Variants in ATP9B observed in about 807,000 individuals in gnomAD.
ATP9B encodes probable phospholipid-transporting ATPase IIB.
In ATP9B, 110 loss-of-function variants were observed where a neutral mutation model predicts 146.1. The observed-to-expected ratio is 0.75, with a 90% CI of 0.65 to 0.88. The LOEUF (loss-of-function observed/expected upper bound fraction) is 0.88. ATP9B is among the 40% of genes least tolerant of loss of function. The pLI, the probability that ATP9B is intolerant of heterozygous loss-of-function variation, is 0.00. For missense variants in ATP9B, 1,499 were observed against 1,496.4 expected, an observed-to-expected ratio of 1.00 and a Z score of -0.03; for synonymous variants, 604 against 569.7, an observed-to-expected ratio of 1.06 and a Z score of -0.86.
At chr18:79,365,206 A>G (rs1220928073) in intron 26 of ATP9B, among the ~76,000 whole-genome samples, 2 of 152,222 alleles carry the variant, frequency 1.3e-5, no homozygotes, top group African/African-American at 4.8e-5. Flanking sequence ...GAAGATATTA[A>G]CAGACACCAC....
intron 5 of ATP9B, among the ~76,000 whole-genome samples, chr18:79,138,821 C>G (rs1456555268): frequency 7.4e-6 from 1 of 135,822 alleles, no homozygotes; most frequent in Admixed American, 7.4e-5. Context: ...TGGCTCCTGC[C>G]GTATTCATAG....
At chr18:79,261,732 A>G (rs2096143770) in intron 12 of ATP9B, among the ~76,000 whole-genome samples, 1 of 152,194 alleles carries the variant, frequency 6.6e-6, no homozygotes, top group South Asian at 2.1e-4. Context: ...AGCGTCAGGA[A>G]GGGTGAGATG....
intron 7 of ATP9B, among the ~76,000 whole-genome samples, chr18:79,156,166 C>T (rs1160601882): frequency 1.3e-5 from 2 of 152,200 alleles, no homozygotes; most frequent in East Asian, 3.8e-4. Context: ...CAAGTGACTT[C>T]TGTATACTTG....
chr18:79,354,706 T>A (rs970453436), intron 25 of ATP9B: 8 of 150,590 alleles, frequency 5.3e-5, no homozygotes, highest in Admixed American at 4.0e-4. Flanking sequence ...AGGCTCTGAG[T>A]GGAGAGCGAG....
At chr18:79,095,973 T>G (rs573327346) in intron 1 of ATP9B, among the ~76,000 whole-genome samples, 42 of 152,264 alleles carry the variant, frequency 2.8e-4, no homozygotes, top group African/African-American at 9.6e-4. Context: ...CCCAAAGATA[T>G]AAACTGTCAG....
intron 7 of ATP9B, among the ~76,000 whole-genome samples, chr18:79,165,213 G>C (rs1359566250): frequency 6.6e-6 from 1 of 152,216 alleles, no homozygotes; most frequent in Admixed American, 6.5e-5. Flanking sequence ...TGAGTAGTCA[G>C]TTACAGGGCT....
At chr18:79,217,666 C>A (rs1427114531) in intron 11 of ATP9B, among the ~76,000 whole-genome samples, 1 of 152,160 alleles carries the variant, frequency 6.6e-6, no homozygotes, top group South Asian at 2.1e-4. Flanking sequence ...GGTATTGATA[C>A]ATGTTGAATG....
intron 10 of ATP9B, among the ~76,000 whole-genome samples, chr18:79,211,919 T>TTA (rs2095587645): frequency 6.6e-6 from 1 of 152,228 alleles, no homozygotes; most frequent in South Asian, 2.1e-4. Flanking sequence ...TCTGTTTAAG[T>TTA]ATTTCATTGA....
chr18:79,252,385 T>G (rs2096034473), intron 11 of ATP9B, among the ~76,000 whole-genome samples: 1 of 152,192 alleles, frequency 6.6e-6, no homozygotes, highest in South Asian at 2.1e-4. Context: ...CTAGTTGCTG[T>G]GCTGTGTCAC....
chr18:79,314,245 T>G (rs565034401), intron 15 of ATP9B, among the ~76,000 whole-genome samples: 1 of 152,328 alleles, frequency 6.6e-6, no homozygotes, highest in Admixed American at 6.5e-5. Context: ...CTTAAAACCC[T>G]GTTTGTGGCG....
chr18:79,258,076 AAATT>A (rs1452122945), intron 12 of ATP9B, among the ~76,000 whole-genome samples: 3 of 152,236 alleles, frequency 2.0e-5, no homozygotes, highest in Non-Finnish European at 2.9e-5. Flanking sequence ...TTGCCAAGAA[AAATT>A]AATTATAGTT....
chr18:79,219,319 C>G (rs984842651), intron 11 of ATP9B, among the ~76,000 whole-genome samples: 6 of 151,480 alleles, frequency 4.0e-5, no homozygotes, highest in Non-Finnish European at 7.4e-5. Context: ...ACCAGGCAGC[C>G]CAGAGCATGG....
At chr18:79,249,870 A>G (rs2096005895) in intron 11 of ATP9B, among the ~76,000 whole-genome samples, 1 of 152,244 alleles carries the variant, frequency 6.6e-6, no homozygotes, top group Non-Finnish European at 1.5e-5. Flanking sequence ...GCAACCTACA[A>G]GCTTTACACT....
intron 7 of ATP9B, among the ~76,000 whole-genome samples, chr18:79,156,752 A>T (rs1389341173): frequency 6.6e-6 from 1 of 152,164 alleles, no homozygotes; most frequent in South Asian, 2.1e-4. Context: ...GTATAATGTG[A>T]TCTTTTTTCA....
chr18:79,372,953 T>A (rs1253735349), intron 27 of ATP9B, 71 bp downstream of exon 27: 2 of 1,108,814 alleles, frequency 1.8e-6, no homozygotes. Flanking sequence ...CAATATTGTT[T>A]TTACTTGCAG....
chr18:79,120,319 C>T (rs1038350002), intron 4 of ATP9B, among the ~76,000 whole-genome samples: 1 of 152,144 alleles, frequency 6.6e-6, no homozygotes, highest in East Asian at 1.9e-4. Context: ...TTACAGTTGT[C>T]GGTTGTAAAA....
At chr18:79,372,197 G>A (rs1277454777) in intron 26 of ATP9B, among the ~76,000 whole-genome samples, 1 of 30,584 alleles carries the variant, frequency 3.3e-5, no homozygotes, top group Non-Finnish European at 6.6e-5. Context: ...CTGCCCCCTC[G>A]TCCCCTGCCT....
chr18:79,352,383 T>C (rs192989732), intron 25 of ATP9B: 2 of 152,332 alleles, frequency 1.3e-5, no homozygotes, highest in African/African-American at 4.8e-5. Context: ...CGGGAGGCTC[T>C]GTGGGTTTAT....
chr18:79,123,669 AAACTTAT>A (rs1477985722), intron 4 of ATP9B, among the ~76,000 whole-genome samples: 2 of 152,196 alleles, frequency 1.3e-5, no homozygotes, highest in African/African-American at 4.8e-5. Flanking sequence ...TCCCATTCCC[AAACTTAT>A]TACAAACTGC....
Sources: allele counts gnomAD v4.1 joint callset (sites outside exome capture counted in the v4.1 genomes callset), GRCh38; gene constraint gnomAD v4.1.1; transcripts MANE v1.5; gene names NCBI Gene and HGNC (gene_info 2026-07-23, HGNC 2026-07-21).